The following MARCHF11 variants were observed in gnomAD, a reference collection of about 807,000 sequenced individuals.
MARCHF11 encodes the protein membrane associated ring-CH-type finger 11.
A neutral mutation model predicts 37.3 loss-of-function variants in MARCHF11; 29 were observed. The observed-to-expected ratio is 0.78, with a 90% CI of 0.58 to 1.06. MARCHF11 has a LOEUF of 1.06. Ranked by LOEUF, MARCHF11 falls within the 50% of genes least tolerant of loss-of-function variation. The pLI is 0.00. For missense variants in MARCHF11, 482 were observed against 533.4 expected, an observed-to-expected ratio of 0.90 and a Z score of 0.95; for synonymous variants, 233 against 228.0, an observed-to-expected ratio of 1.02 and a Z score of -0.20.
At chr5:16,160,963 A>T (rs778130511) in intron 2 of MARCHF11, among the ~76,000 whole-genome samples, 63 of 152,142 alleles carry the variant, frequency 4.1e-4, no homozygotes, top group South Asian at 1.0e-3. Context: ...CTAACTGAGG[A>T]CATGGATACC....
At position 16,177,784 on chromosome 5, in the gene MARCHF11, C is replaced by T. The variant is rs757968767; in HGVS notation, c.635G>A (p.Cys212Tyr). The T allele has an allele frequency of 6.2e-7, 1 of 1,613,750 alleles. No homozygotes were observed. Among genetic ancestry groups the T allele is most frequent in the African/African-American group, 1.3e-5 (1 of 75,042 alleles). Reference protein sequence around the residue: ...KWISERGSWTCELCCYRYHVI... With the variant: ...KWISERGSWTYELCCYRYHVI... The stretch of plus-strand genomic sequence containing the variant: ...ATGGTATCTATAACAGCAAAGTTCA[C>T]AGGTCCAGGAACCTCTCTCACTGAT... Residue 212 changes from cysteine (C) to tyrosine (Y), a missense_variant, in exon 2 of 4, where the codon TGT becomes TAT. By Grantham distance (194) the Cys-to-Tyr change is radical. Coordinates refer to ENST00000332432, the MANE Select transcript of MARCHF11 (RefSeq NM_001102562.3).
rs146623860 is a variant in MARCHF11, at chr5:16,118,356, G to C, written c.694-27275C>G. On this transcript the variant is annotated intron_variant, in intron 2 of 3. Transcript: ENST00000332432. The stretch of plus-strand genomic sequence containing the variant: ...CTGGATGCAGACTGGATGTGAGCAA[G>C]GGGGAAGTAGAGAATCCATTTAGAA... Among the ~76,000 whole-genome samples the C allele has an allele frequency of 2.7e-4, 41 of 152,298 alleles. No homozygotes were observed. The East Asian group carries it at 7.9e-3, about 29-fold the overall frequency.
chr5:16,168,789 A>G (rs963078721), intron 2 of MARCHF11, among the ~76,000 whole-genome samples: 6 of 152,144 alleles, frequency 3.9e-5, no homozygotes, highest in Non-Finnish European at 8.8e-5. Flanking sequence ...ACAGATATTT[A>G]CTGAATGCTC....
At chr5:16,153,792 G>T (rs547297910) in intron 2 of MARCHF11, among the ~76,000 whole-genome samples, 64 of 152,064 alleles carry the variant, frequency 4.2e-4, no homozygotes, top group South Asian at 3.7e-3. Flanking sequence ...CTTACAGTTT[G>T]ATGTGATCAT....
Position 16,179,777 on chromosome 5 carries a change from C to T in MARCHF11, c.-202G>A, listed in dbSNP as rs971417586. On this transcript the variant is annotated 5_prime_UTR_variant, in exon 1 of 4. Coordinates refer to ENST00000332432, the MANE Select transcript of MARCHF11 (RefSeq NM_001102562.3). ...GGCAGGCGCGGCCGTTCGGTGGAGC[C>T]GCCGGCTCGGCTCTGATGGAGGCGG... 3.7e-5 allele frequency: 9 copies of T among 240,252 alleles called. No individual in the cohort carries two copies. The highest frequency in any genetic ancestry group is 5.4e-5 in the Non-Finnish European group (7 of 130,316). The allele number at this position is 240,252 out of a possible 1,614,324, so 14.9% of individuals were successfully genotyped here.
At chr5:16,146,574 G>A (rs943665335) in intron 2 of MARCHF11, among the ~76,000 whole-genome samples, 14 of 152,104 alleles carry the variant, frequency 9.2e-5, no homozygotes, top group Non-Finnish European at 1.9e-4. Flanking sequence ...CTATGACCTT[G>A]GGAGTTTGGA....
rs1288004467 is a variant in MARCHF11 at position 16,071,208 on chromosome 5, C to T, written c.887-3415G>A. Reference sequence around the variant, plus strand: ...TCTGAGTCACTAAGCTTACATGAAGCGAAAAGCAATGATCACTTCTATAAA... The same window carrying T: ...TCTGAGTCACTAAGCTTACATGAAGTGAAAAGCAATGATCACTTCTATAAA... On this transcript the variant is annotated intron_variant, in intron 3 of 3. Transcript: ENST00000332432. Among the ~76,000 whole-genome samples, 7 of 152,206 alleles carry T rather than the reference C, an allele frequency of 4.6e-5. 1 individual carries two copies. Among genetic ancestry groups the T allele is most frequent in the East Asian group, 3.9e-4 (2 of 5,188 alleles).
chr5:16,135,130 T>G (rs1056352730), intron 2 of MARCHF11, among the ~76,000 whole-genome samples: 1 of 152,132 alleles, frequency 6.6e-6, no homozygotes, highest in Non-Finnish European at 1.5e-5. Flanking sequence ...GCAGAACATA[T>G]AAACTTAACA....
chr5:16,098,690 C>T (rs552310208), intron 2 of MARCHF11, among the ~76,000 whole-genome samples: 9 of 151,772 alleles, frequency 5.9e-5, no homozygotes, highest in Non-Finnish European at 1.3e-4. Flanking sequence ...ATCGCTTGAA[C>T]CCAGGAGGCA....
intron 2 of MARCHF11, among the ~76,000 whole-genome samples, chr5:16,134,858 T>G (rs1277665269): frequency 6.6e-6 from 1 of 152,110 alleles, no homozygotes; most frequent in East Asian, 1.9e-4. Flanking sequence ...ATAAAAAATT[T>G]AGGTATATAA....
Position 16,110,264 on chromosome 5 carries a change from T to C in MARCHF11, c.694-19183A>G, listed in dbSNP as rs183691127. On this transcript the variant is annotated intron_variant, in intron 2 of 3. Transcript: ENST00000332432. Reference sequence around the variant, plus strand: ...TATATACAATTTTAAAGGTCCCCTTTAAATCACAAAAATCATAATGCAAAG... The same window carrying C: ...TATATACAATTTTAAAGGTCCCCTTCAAATCACAAAAATCATAATGCAAAG... Among the ~76,000 whole-genome samples the C allele has an allele frequency of 7.1e-3, 1,078 of 152,308 alleles. 13 individuals are homozygous for C. The highest frequency in any genetic ancestry group is 0.024 in the African/African-American group (1,002 of 41,582).
chr5:16,157,217 T>TAC (rs1737992154), intron 2 of MARCHF11, among the ~76,000 whole-genome samples: 1 of 85,522 alleles, frequency 1.2e-5, no homozygotes, highest in South Asian at 3.4e-4. Flanking sequence ...GTAAATGAAA[T>TAC]CCCGTGTTTG....
At chr5:16,090,757 G>T in intron 3 of MARCHF11, 132 bp downstream of exon 3, 2 of 640,434 alleles carry the variant, frequency 3.1e-6, no homozygotes, top group African/African-American at 1.9e-5. Context: ...GTGACCCGCA[G>T]CTAATTCATT....
intron 3 of MARCHF11, 127 bp from the exon 4 acceptor site, chr5:16,067,920 C>G (rs1185457946): frequency 1.2e-6 from 1 of 824,148 alleles, no homozygotes; most frequent in African/African-American, 1.7e-5. Context: ...ATACAGTATT[C>G]TGTTTACTCA....
intron 2 of MARCHF11, among the ~76,000 whole-genome samples, chr5:16,152,229 A>AGTTTC (rs1737901368): frequency 1.3e-5 from 2 of 152,002 alleles, no homozygotes; most frequent in African/African-American, 4.8e-5. Flanking sequence ...TGGGTATGAT[A>AGTTTC]TAAACCAGAC....
chr5:16,105,620 G>A (rs577459334), intron 2 of MARCHF11, among the ~76,000 whole-genome samples: 2 of 152,226 alleles, frequency 1.3e-5, no homozygotes, highest in South Asian at 4.2e-4. Context: ...GGAGACACTT[G>A]GCCAATGGCT....
At chr5:16,165,739 T>G (rs1414737815) in intron 2 of MARCHF11, among the ~76,000 whole-genome samples, 1 of 152,120 alleles carries the variant, frequency 6.6e-6, no homozygotes, top group Non-Finnish European at 1.5e-5. Flanking sequence ...GATAATGCTA[T>G]CAGTTATCAC....
intron 2 of MARCHF11, among the ~76,000 whole-genome samples, chr5:16,130,987 G>A (rs1737505903): frequency 6.6e-6 from 1 of 152,158 alleles, no homozygotes; most frequent in Non-Finnish European, 1.5e-5. Context: ...ATAAGATAAT[G>A]TTGAATATTT....
chr5:16,153,645 T>C (rs371969512), intron 2 of MARCHF11, among the ~76,000 whole-genome samples: 1 of 152,000 alleles, frequency 6.6e-6, no homozygotes, highest in Non-Finnish European at 1.5e-5. Flanking sequence ...TACATATTGA[T>C]AGAATTGGTT....
Sources: gnomAD v4.1 joint callset for allele counts (sites outside exome capture counted in the v4.1 genomes callset) on GRCh38, gnomAD v4.1.1 for gene constraint, MANE v1.5 for transcripts, NCBI Gene and HGNC (gene_info 2026-07-23, HGNC 2026-07-21) for gene names.